Variants in SLC24A1 observed in about 807,000 individuals in gnomAD.
SLC24A1 encodes the protein solute carrier family 24 member 1.
SLC24A1 carries 52 observed loss-of-function variants against 88.1 expected under a neutral mutation model. The observed-to-expected ratio is 0.59, with a 90% CI of 0.47 to 0.74. The LOEUF is 0.74. Among genes scored for constraint, SLC24A1 ranks in the 30% least tolerant of loss-of-function variants. The pLI is 0.00. For synonymous variants in SLC24A1, 455 were observed against 498.0 expected (o/e 0.91, Z 1.15); for missense variants, 1,173 against 1,363.3 (o/e 0.86, Z 2.20).
intron 2 of SLC24A1, among the ~76,000 whole-genome samples, chr15:65,636,894 A>AATAATG (rs1555405233): frequency 4.8e-4 from 73 of 150,756 alleles, no homozygotes; most frequent in African/African-American, 1.8e-3. Context: ...TAATAATAAT[A>AATAATG]GTAATCCCAA....
In SLC24A1 at chr15:65,652,244, C is replaced by T; in HGVS notation, c.2884-398C>T. 1.1e-5 allele frequency: 3 copies of T among 285,058 alleles called. No homozygotes were observed. In the South Asian group the frequency reaches 1.2e-4, roughly 12 times the overall value. The allele number at this position is 285,058 out of a possible 1,614,324, so 17.7% of individuals were successfully genotyped here. On this transcript the variant is annotated intron_variant, in intron 8 of 9. Coordinates refer to ENST00000261892, the MANE Select transcript of SLC24A1 (RefSeq NM_004727.3). ...GGTCTATGTCATCCTGCTCATACTT[C>T]ACCTCCAGCCTCTTAGTTCCTGGCA...
At chr15:65,615,207 AAAACAAAC>A (rs540023763) in intron 2 of SLC24A1, among the ~76,000 whole-genome samples, 16 of 151,994 alleles carry the variant, frequency 1.1e-4, no homozygotes, top group Admixed American at 2.6e-4. Context: ...CTTATCTCTA[AAAACAAAC>A]AAACAAACAA....
intron 6 of SLC24A1, among the ~76,000 whole-genome samples, chr15:65,645,947 T>C (rs1165411068): frequency 6.6e-6 from 1 of 152,232 alleles, no homozygotes; most frequent in East Asian, 1.9e-4. Flanking sequence ...TGTCACATGC[T>C]ATAAGAACAT....
In SLC24A1 at chr15:65,644,270, C is replaced by T. The variant is rs550596820; in HGVS notation, c.2054-157C>T. On this transcript the variant is annotated intron_variant, in intron 4 of 9. Coordinates refer to ENST00000261892, the MANE Select transcript of SLC24A1 (RefSeq NM_004727.3). ...GGAATTAGGCACCACAACTAGGCCTCGTAGGATCAGAATCCAGATGTCACA... is the reference window on the plus strand; with the variant it reads ...GGAATTAGGCACCACAACTAGGCCTTGTAGGATCAGAATCCAGATGTCACA... 212 of 670,332 alleles carry T rather than the reference C, an allele frequency of 3.2e-4. No homozygotes were observed. The African/African-American group carries it at 3.3e-3, about 10-fold the overall frequency. 41.5% of individuals were successfully genotyped at this position (670,332 alleles called of 1,614,324 possible). A position where few individuals can be genotyped will look rare whatever the true frequency, so the allele number is the denominator to read the frequency against.
intron 3 of SLC24A1, among the ~76,000 whole-genome samples, chr15:65,638,446 C>A (rs1281442889): frequency 2.0e-5 from 3 of 152,164 alleles, no homozygotes; most frequent in African/African-American, 7.2e-5. Flanking sequence ...TGCTGTGTGA[C>A]CTTGAGCTTC....
At chr15:65,657,444 A>C (rs1235895897), downstream of SLC24A1, among the ~76,000 whole-genome samples, 1 of 152,034 alleles carries the variant, frequency 6.6e-6, no homozygotes, top group African/African-American at 2.4e-5. Context: ...GATCGAGACC[A>C]TCCTGGCTAA....
intron 2 of SLC24A1, among the ~76,000 whole-genome samples, chr15:65,631,000 T>TA (rs1014162972): frequency 1.6e-4 from 22 of 141,746 alleles, no homozygotes; most frequent in East Asian, 6.1e-4. Context: ...ACCACAATAT[T>TA]AAAAAAAAAA....
chr15:65,642,704 C>T (rs1455055056), intron 4 of SLC24A1, among the ~76,000 whole-genome samples: 6 of 152,190 alleles, frequency 3.9e-5, no homozygotes, highest in Non-Finnish European at 7.3e-5. Flanking sequence ...CAGGCCACTT[C>T]GAGGGACCAC....
At chr15:65,632,096 C>T (rs890721145) in intron 2 of SLC24A1, among the ~76,000 whole-genome samples, 5 of 152,174 alleles carry the variant, frequency 3.3e-5, no homozygotes, top group Admixed American at 2.6e-4. Context: ...TCCCAAAGTT[C>T]TGGGATTACA....
chr15:65,659,318 TCTG>T (rs1213601634), downstream of SLC24A1: 29 of 132,404 alleles, frequency 2.2e-4, no homozygotes, highest in East Asian at 1.6e-3. Context: ...ATTGATATTT[TCTG>T]GTTTTTTTTT....
Position 65,612,908 on chromosome 15 carries a change from A to G in SLC24A1, c.-228+295A>G, listed in dbSNP as rs116302453. 7.0e-3 allele frequency among the ~76,000 whole-genome samples: 1,059 copies of G among 152,342 alleles called. 15 individuals are homozygous for G. The highest frequency in any genetic ancestry group is 0.025 in the African/African-American group (1,019 of 41,578). ...TTGGAAAGCAAAAAATCAATATATT[A>G]AATTGATGATAAAAGGCACAGCTAC... On this transcript the variant is annotated intron_variant, in intron 2 of 11. Coordinates refer to the SLC24A1 transcript ENST00000537259.
At chr15:65,647,506 GAC>G (rs2075345328) in intron 6 of SLC24A1, among the ~76,000 whole-genome samples, 1 of 147,450 alleles carries the variant, frequency 6.8e-6, no homozygotes, top group Non-Finnish European at 1.5e-5. Flanking sequence ...AAAAGAGAGA[GAC>G]AGAGAGAGAA....
At chr15:65,656,513 A>G (rs1166294231), downstream of SLC24A1, among the ~76,000 whole-genome samples, 1 of 152,254 alleles carries the variant, frequency 6.6e-6, no homozygotes, top group Non-Finnish European at 1.5e-5. Context: ...ACGTACTATA[A>G]TATTAAAATC....
Position 65,613,335 on chromosome 15 carries a change from G to A in SLC24A1, c.-228+722G>A, listed in dbSNP as rs149112738. On this transcript the variant is annotated intron_variant, in intron 2 of 11. Coordinates refer to the SLC24A1 transcript ENST00000537259. Reference sequence around the variant, plus strand: ...TGGCTCTCACAGGGGCTAGGTACTGGGGAGCTCAAAGGGAAGTCTAGATAT... The same window carrying A: ...TGGCTCTCACAGGGGCTAGGTACTGAGGAGCTCAAAGGGAAGTCTAGATAT... Among the ~76,000 whole-genome samples, 611 of 152,282 alleles carry A rather than the reference G, an allele frequency of 4.0e-3. 5 individuals carry two copies. Among genetic ancestry groups the A allele is most frequent in the Non-Finnish European group, 6.7e-3 (457 of 68,020 alleles).
intron 6 of SLC24A1, among the ~76,000 whole-genome samples, chr15:65,648,275 G>T (rs1179832067): frequency 6.6e-6 from 1 of 151,300 alleles, no homozygotes; most frequent in East Asian, 2.0e-4. Flanking sequence ...AAAAAAAAAA[G>T]CCTTCAGGTG....
chr15:65,651,696 C>T lies in SLC24A1; in HGVS notation c.2820C>T (p.Thr940=), dbSNP rs767301815. Reference sequence around the variant, plus strand: ...AGTCTAGGAAGTTTTTTGTTTTCACCTTCCTGGGATCTATCATGTGGATAG... The same window carrying T: ...AGTCTAGGAAGTTTTTTGTTTTCACTTTCCTGGGATCTATCATGTGGATAG... ...RQESRKFFVF[T]FLGSIMWIAM... Residue 940 remains threonine, a synonymous_variant, in exon 8 of 10, where the codon ACC becomes ACT. Coordinates refer to ENST00000261892, the MANE Select transcript of SLC24A1 (RefSeq NM_004727.3). The T allele has an allele frequency of 3.1e-6, 5 of 1,608,708 alleles. No homozygotes were observed. The highest frequency in any genetic ancestry group is 1.3e-5 in the African/African-American group (1 of 74,810).
intron 5 of SLC24A1, 28 bp downstream of exon 5, chr15:65,644,541 T>G: frequency 6.7e-7 from 1 of 1,488,184 alleles, no homozygotes. Context: ...CCAGTGGGTT[T>G]TCTCCTGCCC....
Position 65,650,101 on chromosome 15 carries a change from A to T in SLC24A1, c.2233-281A>T, listed in dbSNP as rs1454009421. Among the ~76,000 whole-genome samples, 1 of 152,222 alleles carries T rather than the reference A, an allele frequency of 6.6e-6. No individual in the cohort carries two copies. Among genetic ancestry groups the T allele is most frequent in the African/African-American group, 2.4e-5 (1 of 41,446 alleles). On this transcript the variant is annotated intron_variant, in intron 6 of 9. Coordinates refer to ENST00000261892, the MANE Select transcript of SLC24A1 (RefSeq NM_004727.3). The surrounding 1 kb of genome is among the most constrained non-coding windows in gnomAD (Gnocchi z 4.1). ...ACCTATACATGGGGGTAGAACTTTG[A>T]TATAAATATGGACTTCAGATGAATC...
rs1236088550 is a variant in SLC24A1 at position 65,624,667 on chromosome 15, G to C, written c.587G>C (p.Arg196Thr). ...VKYTPSPRGR[R>T]VGTYVPSTFM... ...TATACTCCTTCCCCACGTGGTAGAA[G>C]AGTAGGCACTTACGTGCCGTCCACA... The change falls in exon 2 of 10, where the codon AGA becomes ACA. Residue 196 changes from arginine (R) to threonine (T), a missense_variant. By Grantham distance (71) the Arg-to-Thr change is moderately conservative. Coordinates refer to ENST00000261892, the MANE Select transcript of SLC24A1 (RefSeq NM_004727.3). 6.3e-7 allele frequency: 1 copy of C among 1,599,064 alleles called. No homozygotes were observed. The highest frequency in any genetic ancestry group is 8.5e-7 in the Non-Finnish European group (1 of 1,172,678).
Sources: gnomAD v4.1 joint callset for allele counts (sites outside exome capture counted in the v4.1 genomes callset) on GRCh38, gnomAD v4.1.1 for gene constraint, Gnocchi (gnomAD v3.1) non-coding constraint, MANE v1.5 for transcripts, NCBI Gene and HGNC (gene_info 2026-07-23, HGNC 2026-07-21) for gene names.